The following RNF220 variants were observed in gnomAD, a reference collection of about 807,000 sequenced individuals.
RNF220 encodes E3 ubiquitin-protein ligase RNF220.
Under a neutral mutation model 67.1 loss-of-function variants are expected in RNF220, and 7 were observed. The observed-to-expected ratio is 0.10, with a 90% confidence interval of 0.06 to 0.20. The LOEUF is 0.20. Among genes scored for constraint, RNF220 ranks in the 10% least tolerant of loss-of-function variants. RNF220 has a pLI of 1.00. For missense variants in RNF220, 565 were observed against 740.3 expected, an observed-to-expected ratio of 0.76 and a Z score of 2.75; for synonymous variants, 270 against 283.2, an observed-to-expected ratio of 0.95 and a Z score of 0.47.
intron 2 of RNF220, chr1:44,423,999 G>T (rs1423230973): frequency 5.1e-6 from 5 of 985,230 alleles, no homozygotes; most frequent in African/African-American, 1.7e-5. Context: ...TCCTTCCCTG[G>T]CCTCTTATCT....
At chr1:44,582,469 G>T (rs535680385) in intron 2 of RNF220, among the ~76,000 whole-genome samples, 1 of 152,234 alleles carries the variant, frequency 6.6e-6, no homozygotes, top group Non-Finnish European at 1.5e-5. Context: ...AAGAAGAAGC[G>T]AGTGGTGCCG....
intron 2 of RNF220, among the ~76,000 whole-genome samples, chr1:44,442,129 T>TC (rs1306477388): frequency 6.6e-6 from 1 of 152,110 alleles, no homozygotes; most frequent in Non-Finnish European, 1.5e-5. Context: ...AAAAGACATT[T>TC]CTTTTTTTTT....
chr1:44,546,617 C>G (rs942094284), intron 2 of RNF220, among the ~76,000 whole-genome samples: 1 of 152,118 alleles, frequency 6.6e-6, no homozygotes, highest in Non-Finnish European at 1.5e-5. Context: ...TCAGAGGAGC[C>G]CTGCGTTACA....
intron 2 of RNF220, among the ~76,000 whole-genome samples, chr1:44,428,704 G>A (rs533168364): frequency 2.6e-5 from 4 of 152,158 alleles, no homozygotes; most frequent in South Asian, 2.1e-4. Context: ...TAAGTAGCTC[G>A]GCCATAATAT....
At chr1:44,491,038 G>T (rs1656808648) in intron 2 of RNF220, among the ~76,000 whole-genome samples, 1 of 152,064 alleles carries the variant, frequency 6.6e-6, no homozygotes, top group African/African-American at 2.4e-5. Context: ...GACTCAAGAA[G>T]AAGAAAAATC....
At chr1:44,577,508 CATTT>C (rs1164266209) in intron 2 of RNF220, among the ~76,000 whole-genome samples, 2 of 152,238 alleles carry the variant, frequency 1.3e-5, no homozygotes, top group South Asian at 2.1e-4. Context: ...GCCATTCATT[CATTT>C]GACACATATT....
At chr1:44,635,702 C>T in intron 7 of RNF220, 114 bp downstream of exon 7, 1 of 1,553,978 alleles carries the variant, frequency 6.4e-7, no homozygotes. Flanking sequence ...TCCTTCCCCG[C>T]TCCCTTCCCC....
intron 2 of RNF220, among the ~76,000 whole-genome samples, chr1:44,573,946 T>G (rs962066036): frequency 1.3e-5 from 2 of 151,656 alleles, no homozygotes; most frequent in Non-Finnish European, 2.9e-5. Context: ...CAACCCCATC[T>G]CTACAAAAAA....
At chr1:44,625,829 C>T (rs1262302874) in intron 4 of RNF220, among the ~76,000 whole-genome samples, 1 of 151,896 alleles carries the variant, frequency 6.6e-6, no homozygotes, top group Non-Finnish European at 1.5e-5. Context: ...TAAATGGACC[C>T]ACATACATCC....
At chr1:44,535,632 A>G (rs1572804611) in intron 2 of RNF220, among the ~76,000 whole-genome samples, 1 of 152,196 alleles carries the variant, frequency 6.6e-6, no homozygotes, top group East Asian at 1.9e-4. Context: ...CTTTGAAGTT[A>G]ATGTGTATTT....
At chr1:44,568,965 A>G (rs368849585) in intron 2 of RNF220, among the ~76,000 whole-genome samples, 45 of 152,322 alleles carry the variant, frequency 3.0e-4, no homozygotes, top group African/African-American at 1.0e-3. Flanking sequence ...TCTTTTTGGC[A>G]GTGCAGTTTC....
intron 2 of RNF220, chr1:44,545,407 T>C (rs1050256666): frequency 6.5e-6 from 1 of 154,194 alleles, no homozygotes; most frequent in Non-Finnish European, 1.5e-5. Context: ...CATTATCTAA[T>C]TTTATCCTCA....
chr1:44,631,993 C>T, intron 5 of RNF220: 4 of 1,011,010 alleles, frequency 4.0e-6, no homozygotes, highest in Non-Finnish European at 4.7e-6. Flanking sequence ...GCCGCCGCCG[C>T]TTGGAGCTGA....
chr1:44,616,901 G>T (rs1039117118), intron 3 of RNF220, among the ~76,000 whole-genome samples: 4 of 152,058 alleles, frequency 2.6e-5, no homozygotes, highest in Admixed American at 2.6e-4. Flanking sequence ...CAATGTCCAG[G>T]GCATGCACTT....
At chr1:44,425,004 A>G (rs912462236) in intron 2 of RNF220, among the ~76,000 whole-genome samples, 8 of 152,238 alleles carry the variant, frequency 5.3e-5, no homozygotes, top group Non-Finnish European at 1.0e-4. Context: ...TCAAATGCTC[A>G]TTTGTAAAGA....
At chr1:44,491,883 T>C (rs554275526) in intron 2 of RNF220, among the ~76,000 whole-genome samples, 17 of 152,278 alleles carry the variant, frequency 1.1e-4, no homozygotes, top group African/African-American at 4.1e-4. Flanking sequence ...AGGCTGGGCT[T>C]GAACTCCTGG....
chr1:44,541,887 A>G (rs1661700458), intron 2 of RNF220, among the ~76,000 whole-genome samples: 1 of 152,226 alleles, frequency 6.6e-6, no homozygotes, highest in Non-Finnish European at 1.5e-5. Context: ...ATTTTATAAA[A>G]TTAAATTTTG....
intron 2 of RNF220, among the ~76,000 whole-genome samples, chr1:44,441,832 T>C (rs1015905326): frequency 1.3e-5 from 2 of 152,188 alleles, no homozygotes; most frequent in African/African-American, 4.8e-5. Flanking sequence ...GAATCCAATG[T>C]AAAGGAGACC....
rs898289117 is a variant in RNF220 at position 44,417,520 on chromosome 1, C to T, written c.625+4798C>T. Among the ~76,000 whole-genome samples, 7 of 152,184 alleles carry T rather than the reference C, an allele frequency of 4.6e-5. No individual in the cohort carries two copies. Among genetic ancestry groups the T allele is most frequent in the African/African-American group, 1.4e-4 (6 of 41,446 alleles). On this transcript the variant is annotated intron_variant, in intron 2 of 14. Transcript: ENST00000361799. The surrounding 1 kb of genome is among the most constrained non-coding windows in gnomAD (Gnocchi z 4.0). Reference sequence around the variant, plus strand: ...GCTGTAGTTGTGCTCCCGCTCTTCCCCTGCCCTCGCTCCACGCCGCGCCGC... The same window carrying T: ...GCTGTAGTTGTGCTCCCGCTCTTCCTCTGCCCTCGCTCCACGCCGCGCCGC...
Sources: gnomAD v4.1 joint callset for allele counts (sites outside exome capture counted in the v4.1 genomes callset) on GRCh38, gnomAD v4.1.1 for gene constraint, Gnocchi (gnomAD v3.1) non-coding constraint, MANE v1.5 for transcripts, NCBI Gene and HGNC (gene_info 2026-07-23, HGNC 2026-07-21) for gene names.